ZEB2: variants seen among roughly 807,000 people sequenced by gnomAD.
The protein encoded by ZEB2 is zinc finger E-box-binding homeobox 2.
A neutral mutation model predicts 99.9 loss-of-function variants in ZEB2; 6 were observed. The ratio of observed to expected loss-of-function variants is 0.06; its 90% CI spans 0.03 to 0.12. The LOEUF (loss-of-function observed/expected upper bound fraction) is 0.12, where lower values mean the gene tolerates loss of function less well. Ranked by LOEUF, ZEB2 falls within the 10% of genes least tolerant of loss-of-function variation. The pLI is 1.00. For synonymous variants in ZEB2, 517 were observed against 542.5 expected, an observed-to-expected ratio of 0.95 and a Z score of 0.65; for missense variants, 969 against 1,502.8, an observed-to-expected ratio of 0.64 and a Z score of 5.87.
At position 144,429,815 on chromosome 2, in the gene ZEB2, G is replaced by A. The variant is rs772898330; in HGVS notation, c.285C>T (p.His95=). 1 of 1,613,830 alleles carries A rather than the reference G, an allele frequency of 6.2e-7. No individual in the cohort carries two copies. The highest frequency in any genetic ancestry group is 1.1e-5 in the South Asian group (1 of 91,082). ...GTAGAATCTCGTTGTTGTGCCAGGG[G>A]TGTTCCACTCCACCCTCCCTTATTT... ...EDEIREGGVE[H]PWHNNEILQA... is the part of the protein sequence containing the mutation. Residue 95 remains histidine, a synonymous_variant, in exon 3 of 10, where the codon CAC becomes CAT. Coordinates refer to ENST00000627532, the MANE Select transcript of ZEB2 (RefSeq NM_014795.4).
In ZEB2 at chr2:144,517,958, C is replaced by G. The variant is rs964138565; in HGVS notation, c.-69-539G>C. Reference sequence around the variant, plus strand: ...CCACTCGCCCAGCGCCCCCTCCCCTCCCCTTTTGGAGTTTATCGAGGCACT... The same window carrying G: ...CCACTCGCCCAGCGCCCCCTCCCCTGCCCTTTTGGAGTTTATCGAGGCACT... On this transcript the variant is annotated intron_variant, in intron 1 of 9. Transcript: ENST00000627532. The G allele has an allele frequency of 2.6e-5, 10 of 391,864 alleles. No homozygotes were observed. In the Admixed American group the frequency reaches 3.4e-4, roughly 13 times the overall value. 24.3% of individuals were successfully genotyped at this position (391,864 alleles called of 1,614,324 possible).
chr2:144,440,503 ATATATATATATATTTTTTTTTTTTTT>A (rs1338554145), intron 2 of ZEB2, among the ~76,000 whole-genome samples: 11,478 of 39,054 alleles, frequency 0.29, 632 homozygotes, highest in Admixed American at 0.38. Context: ...ATATATATAT[ATATATATATATATTTTTTTTTTTTTT>A]TTTTTTTTTT....
At chr2:144,480,096 C>T (rs923419062) in intron 2 of ZEB2, among the ~76,000 whole-genome samples, 2 of 152,074 alleles carry the variant, frequency 1.3e-5, no homozygotes, top group South Asian at 2.1e-4. Flanking sequence ...ATATCTTTTC[C>T]GTATTTTAGG....
At chr2:144,458,700 A>C (rs943668982) in intron 2 of ZEB2, among the ~76,000 whole-genome samples, 5 of 152,200 alleles carry the variant, frequency 3.3e-5, no homozygotes, top group Non-Finnish European at 4.4e-5. Context: ...TCTCAGGTTT[A>C]ACTAAATAAT....
chr2:144,422,425 T>C (rs528929700), intron 4 of ZEB2, among the ~76,000 whole-genome samples: 14 of 152,324 alleles, frequency 9.2e-5, no homozygotes, highest in African/African-American at 3.1e-4. Flanking sequence ...CTATTGAAAA[T>C]GTATTTAGTT....
intron 2 of ZEB2, among the ~76,000 whole-genome samples, chr2:144,489,750 C>A (rs1052937605): frequency 6.6e-6 from 1 of 152,178 alleles, no homozygotes; most frequent in Non-Finnish European, 1.5e-5. Context: ...ACAAACAGGG[C>A]ACGTTCGTTT....
chr2:144,516,349 C>G (rs1464499594), intron 2 of ZEB2: 1 of 151,144 alleles, frequency 6.6e-6, no homozygotes, highest in Non-Finnish European at 1.5e-5. Flanking sequence ...GGGGGTCTCT[C>G]TCTCACTCTC....
rs185020967 is a variant in ZEB2, at chr2:144,416,310, C to A, written c.403+8486G>T. Reference sequence around the variant, plus strand: ...GTATCATTCTTACCCTGCTGAACTACGATCCAGTCCAATTTCTGGAGTATC... The same window carrying A: ...GTATCATTCTTACCCTGCTGAACTAAGATCCAGTCCAATTTCTGGAGTATC... On this transcript the variant is annotated intron_variant, in intron 4 of 9. Coordinates refer to ENST00000627532, the MANE Select transcript of ZEB2 (RefSeq NM_014795.4). 2.2e-3 allele frequency among the ~76,000 whole-genome samples: 331 copies of A among 152,262 alleles called. 2 individuals are homozygous for A. The highest frequency in any genetic ancestry group is 7.2e-3 in the African/African-American group (301 of 41,556).
chr2:144,469,234 A>G (rs527614426), intron 2 of ZEB2, among the ~76,000 whole-genome samples: 4 of 152,328 alleles, frequency 2.6e-5, no homozygotes, highest in South Asian at 4.1e-4. Flanking sequence ...TTTTCTATAC[A>G]GAAGTACACT....
intron 3 of ZEB2, among the ~76,000 whole-genome samples, chr2:144,425,847 T>A (rs1329993854): frequency 6.6e-6 from 1 of 152,160 alleles, no homozygotes; most frequent in East Asian, 1.9e-4. Flanking sequence ...TGAATATCTC[T>A]CTGTGATAAT....
At chr2:144,429,353 T>A (rs1431373006) in intron 3 of ZEB2, 2 of 208,242 alleles carry the variant, frequency 9.6e-6, no homozygotes, top group African/African-American at 4.7e-5. Flanking sequence ...CTGACAGTTA[T>A]TTGGTTTGAA....
chr2:144,411,158 A>T (rs939505756), intron 4 of ZEB2, among the ~76,000 whole-genome samples: 15 of 128,116 alleles, frequency 1.2e-4, no homozygotes, highest in African/African-American at 4.6e-4. Flanking sequence ...ACGCTTCCCC[A>T]GTGTAATGTA....
rs570618251 is a variant in ZEB2, at chr2:144,448,655, G to A, written c.74-18629C>T. On this transcript the variant is annotated intron_variant, in intron 2 of 9. Coordinates refer to ENST00000627532, the MANE Select transcript of ZEB2 (RefSeq NM_014795.4). ...GGCTATAAAAGCCATGCAAAATCTG[G>A]AGAGGGGGCGTGGGAATAGTCAAGG... 4 of 152,408 alleles carry A rather than the reference G, an allele frequency of 2.6e-5. No homozygotes were observed. The South Asian group carries it at 8.3e-4, about 32-fold the overall frequency. 9.4% of individuals were successfully genotyped at this position (152,408 alleles called of 1,614,324 possible). A position where few individuals can be genotyped will look rare whatever the true frequency, so the allele number is the denominator to read the frequency against.
In ZEB2 at chr2:144,398,342, T is replaced by C. The variant is rs1297343922; in HGVS notation, c.2845A>G (p.Met949Val). Reference protein sequence around the residue: ...YPTGAATFADMQQRRKYQRKQ... With the variant: ...YPTGAATFADVQQRRKYQRKQ... The stretch of plus-strand genomic sequence containing the variant: ...CGCTGGTACTTTCTCCTTTGCTGCA[T>C]ATCAGCAAAAGTAGCTGCTCCAGTT... Residue 949 changes from methionine (M) to valine (V), a missense_variant, in exon 8 of 10, where the codon ATG becomes GTG. Met to Val is a conservative substitution (Grantham distance 21). Transcript: ENST00000627532. The C allele has an allele frequency of 6.2e-7, 1 of 1,613,918 alleles. No individual in the cohort carries two copies. The highest frequency in any genetic ancestry group is 8.5e-7 in the Non-Finnish European group (1 of 1,179,962).
At position 144,474,371 on chromosome 2, in the gene ZEB2, G is replaced by A. The variant is rs1224434520; in HGVS notation, c.73+42907C>T. 2.0e-5 allele frequency among the ~76,000 whole-genome samples: 3 copies of A among 152,104 alleles called. No homozygotes were observed. The East Asian group carries it at 5.8e-4, about 29-fold the overall frequency. ...TTCCATGTTAGCACCTGGTCACAAG[G>A]CATCAGACTTGAAGTTCCATTAAAA... On this transcript the variant is annotated intron_variant, in intron 2 of 9. Transcript: ENST00000627532.
intron 2 of ZEB2, among the ~76,000 whole-genome samples, chr2:144,508,158 T>C (rs1441664047): frequency 1.3e-5 from 2 of 152,232 alleles, no homozygotes; most frequent in African/African-American, 4.8e-5. Flanking sequence ...CAACAGTCAA[T>C]GCCAGCTACT....
At chr2:144,417,311 G>A (rs1351112553) in intron 4 of ZEB2, among the ~76,000 whole-genome samples, 7 of 151,988 alleles carry the variant, frequency 4.6e-5, no homozygotes, top group African/African-American at 1.2e-4. Flanking sequence ...GTTTCCTCAA[G>A]CCTCAGTTCA....
rs189175137 is a variant in ZEB2 at position 144,387,151 on chromosome 2, G to C, written c.*2300C>G. On this transcript the variant is annotated 3_prime_UTR_variant, in exon 10 of 10. Coordinates refer to ENST00000627532, the MANE Select transcript of ZEB2 (RefSeq NM_014795.4). Reference sequence around the variant, plus strand: ...TTAGGAAAGTGGTATTATGGCTAAGGAATAAATATAAATATGTTGTTCTTG... The same window carrying C: ...TTAGGAAAGTGGTATTATGGCTAAGCAATAAATATAAATATGTTGTTCTTG... The C allele has an allele frequency of 5.3e-5, 8 of 151,194 alleles. No individual in the cohort carries two copies. The East Asian group carries it at 1.6e-3, about 29-fold the overall frequency. 9.4% of individuals were successfully genotyped at this position (151,194 alleles called of 1,614,324 possible). A position where few individuals can be genotyped will look rare whatever the true frequency, so the allele number is the denominator to read the frequency against.
chr2:144,510,687 C>CCTCTCTCTCTCTCTCTCTCTCTCT (rs34688250), intron 2 of ZEB2, among the ~76,000 whole-genome samples: 2 of 147,976 alleles, frequency 1.4e-5, no homozygotes, highest in Middle Eastern at 3.5e-3. Flanking sequence ...CTACCCTGTG[C>CCTCTCTCTCTCTCTCTCTCTCTCT]CTCTCTCTCT....
Sources: gnomAD v4.1 joint callset for allele counts (sites outside exome capture counted in the v4.1 genomes callset) on GRCh38, gnomAD v4.1.1 for gene constraint, MANE v1.5 for transcripts, NCBI Gene and HGNC (gene_info 2026-07-23, HGNC 2026-07-21) for gene names.